CACNA2D4: variants seen among roughly 807,000 people sequenced by gnomAD.
CACNA2D4 encodes calcium voltage-gated channel auxiliary subunit alpha2delta 4.
CACNA2D4 carries 157 observed loss-of-function variants against 163.8 expected under a neutral mutation model. That is an observed-to-expected ratio of 0.96 (90% CI 0.84 to 1.09). The LOEUF is 1.09. Among genes scored for constraint, CACNA2D4 ranks in the 50% least tolerant of loss-of-function variants. CACNA2D4 has a pLI of 0.00. For synonymous variants in CACNA2D4, 598 were observed against 586.9 expected (o/e 1.02, Z -0.27); for missense variants, 1,410 against 1,479.9 (o/e 0.95, Z 0.78).
chr12:1,794,644 A>G (rs1863060123), intron 37 of CACNA2D4, among the ~76,000 whole-genome samples: 1 of 152,164 alleles, frequency 6.6e-6, no homozygotes, highest in African/African-American at 2.4e-5. Flanking sequence ...CCCGTTTATT[A>G]TAAAGGACGC....
intron 16 of CACNA2D4, among the ~76,000 whole-genome samples, chr12:1,876,975 GTTATTT>G (rs1172983844): frequency 3.3e-5 from 5 of 152,250 alleles, no homozygotes; most frequent in African/African-American, 1.2e-4. Flanking sequence ...GCATATCCTC[GTTATTT>G]TTTCTTTTTC....
rs1360457048 is a variant in CACNA2D4, at chr12:1,811,679, A to T, written c.2596T>A (p.Trp866Arg). 1 of 1,560,238 alleles carries T rather than the reference A, an allele frequency of 6.4e-7. No homozygotes were observed. The highest frequency in any genetic ancestry group is 2.4e-5 in the East Asian group (1 of 41,238). Residue 866 changes from tryptophan to arginine, a missense_variant, in exon 27 of 38, where the codon TGG (tryptophan) becomes AGG (arginine). Transcript: ENST00000382722. ...ACACCTACCTGCCGCGTTGCCGCCC[A>T]GAATTTGCGCTGGAGGAATTCCAGC... ...MKLEFLQRKF[W>R]AATRQCSTVD...
In CACNA2D4 at chr12:1,882,973, G is replaced by T. The variant is rs1173208667; in HGVS notation, c.1379C>A (p.Ala460Glu). The change falls in exon 13 of 38, where the codon GCG (alanine) becomes GAG (glutamate). Residue 460 changes from alanine to glutamate, a missense_variant. Ala to Glu is a moderately radical substitution (Grantham distance 107). Coordinates refer to ENST00000382722, the MANE Select transcript of CACNA2D4 (RefSeq NM_172364.5). ...KGYYTQISTL[A>E]DTQENVMEYL... Reference sequence around the variant, plus strand: ...TTCCATCACGTTCTCCTGGGTGTCCGCCAGCGTTGAGATCTGCGTGTAGTA... The same window carrying T: ...TTCCATCACGTTCTCCTGGGTGTCCTCCAGCGTTGAGATCTGCGTGTAGTA... 1 of 1,612,812 alleles carries T rather than the reference G, an allele frequency of 6.2e-7. No individual in the cohort carries two copies. Among genetic ancestry groups the T allele is most frequent in the Non-Finnish European group, 8.5e-7 (1 of 1,179,442 alleles).
chr12:1,860,764 G>C (rs550120330), intron 18 of CACNA2D4, among the ~76,000 whole-genome samples: 1 of 152,162 alleles, frequency 6.6e-6, no homozygotes, highest in Non-Finnish European at 1.5e-5. Context: ...CCCGGGCCAC[G>C]GGACCCTTTC....
chr12:1,908,084 C>A, intron 4 of CACNA2D4, 47 bp from the exon 5 acceptor site: 2 of 1,568,614 alleles, frequency 1.3e-6, no homozygotes, highest in Middle Eastern at 1.7e-4. Context: ...AGCACCGGGA[C>A]AGGCGGAGAG....
intron 26 of CACNA2D4, among the ~76,000 whole-genome samples, chr12:1,832,056 A>G (rs531336223): frequency 1.4e-4 from 21 of 152,324 alleles, no homozygotes; most frequent in African/African-American, 4.8e-4. Flanking sequence ...CCCAAGTTTT[A>G]TTATCCAAAC....
intron 31 of CACNA2D4, 57 bp from the exon 32 acceptor site, chr12:1,800,495 C>G (rs1015846957): frequency 1.3e-6 from 2 of 1,540,476 alleles, no homozygotes; most frequent in Admixed American, 1.7e-5. Flanking sequence ...AGGGTGCCCC[C>G]CCCCCACCAC....
rs777902717 is a variant in CACNA2D4, at chr12:1,915,307, C to T, written c.228-372G>A. ...TGCTGAATGTCCTCGGCAGGTTCTC[C>T]TGCTGAGGGTTGTGGGGCCGGGCTG... On this transcript the variant is annotated intron_variant, in intron 1 of 37. Transcript: ENST00000382722. 1.5e-4 allele frequency: 105 copies of T among 701,206 alleles called. 1 individual carries two copies. Among genetic ancestry groups the T allele is most frequent in the South Asian group, 5.9e-5 (4 of 67,518 alleles). 43.4% of individuals were successfully genotyped at this position (701,206 alleles called of 1,614,324 possible). A position where few individuals can be genotyped will look rare whatever the true frequency, so the allele number is the denominator to read the frequency against.
rs747102910 is a variant in CACNA2D4 at position 1,828,119 on chromosome 12, G to A, written c.2551+12620C>T. ...CCAGGGGCTCCTCTCTCCCCAGAGCGACAGGGCCCGGAGAGCCGTGGGCCT... is the reference window on the plus strand; with the variant it reads ...CCAGGGGCTCCTCTCTCCCCAGAGCAACAGGGCCCGGAGAGCCGTGGGCCT... On this transcript the variant is annotated intron_variant, in intron 26 of 37. Coordinates refer to ENST00000382722, the MANE Select transcript of CACNA2D4 (RefSeq NM_172364.5). This position sits in a 1 kb window ranked among gnomAD's most constrained non-coding sequence, Gnocchi z 4.2. The A allele has an allele frequency of 8.2e-5, 124 of 1,508,212 alleles. No homozygotes were observed. The Middle Eastern group carries it at 8.3e-4, about 10-fold the overall frequency. The allele number at this position is 1,508,212 out of a possible 1,614,324, so 93.4% of individuals were successfully genotyped here. A position where few individuals can be genotyped will look rare whatever the true frequency, so the allele number is the denominator to read the frequency against.
chr12:1,807,022 G>C (rs1034492318), intron 29 of CACNA2D4, among the ~76,000 whole-genome samples: 1 of 152,048 alleles, frequency 6.6e-6, no homozygotes, highest in Non-Finnish European at 1.5e-5. Context: ...CCTCCTGGGA[G>C]TCCTGCCCTT....
rs756410148 is a variant in CACNA2D4, at chr12:1,797,465, C to A, written c.3066G>T (p.Pro1022=). The A allele has an allele frequency of 1.3e-6, 2 of 1,584,812 alleles. No homozygotes were observed. Among genetic ancestry groups the A allele is most frequent in the South Asian group, 2.3e-5 (2 of 87,586 alleles). ...DTEYPVFVYQ[P]AIREANGIVE... is the part of the protein sequence containing the mutation. ...CGATCCCGTTGGCCTCCCGGATGGC[C>A]GGCTGGTACACGAACACGGGGTACT... is the stretch of plus-strand genomic sequence containing the variant. Residue 1022 remains proline, a synonymous_variant, in exon 35 of 38, where the codon CCG becomes CCT. Transcript: ENST00000382722.
intron 26 of CACNA2D4, chr12:1,830,924 C>T (rs766703296): frequency 9.5e-6 from 15 of 1,585,536 alleles, no homozygotes; most frequent in Non-Finnish European, 1.3e-5. Flanking sequence ...CCGTCTGTCC[C>T]TCCCACCAAG....
chr12:1,840,902 A>G (rs1247951517), intron 25 of CACNA2D4, 83 bp from the exon 26 acceptor site: 1 of 1,208,474 alleles, frequency 8.3e-7, no homozygotes, highest in Non-Finnish European at 1.2e-6. Flanking sequence ...GGAATAGGAG[A>G]TGGGAATAAA....
rs1013012581 is a variant in CACNA2D4, at chr12:1,802,020, T to C, written c.2722-376A>G. 9.4e-4 allele frequency among the ~76,000 whole-genome samples: 34 copies of C among 36,192 alleles called. No individual in the cohort carries two copies. The highest frequency in any genetic ancestry group is 4.8e-3 in the African/African-American group (29 of 5,990). 23.7% of individuals were successfully genotyped at this position (36,192 alleles called of 152,430 possible). On this transcript the variant is annotated intron_variant, in intron 29 of 37. Coordinates refer to ENST00000382722, the MANE Select transcript of CACNA2D4 (RefSeq NM_172364.5). The surrounding 1 kb of genome is among the most constrained non-coding windows in gnomAD (Gnocchi z 4.7). ...AACTGGATTTGTTTTATATGCTGTG[T>C]GTGTGTGTGTGTGTGTGTGTGTGTG...
At position 1,854,042 on chromosome 12, in the gene CACNA2D4, C is replaced by A; in HGVS notation, c.2155G>T (p.Asp719Tyr). Residue 719 changes from aspartate (D) to tyrosine (Y), a missense_variant and splice_region_variant, in exon 23 of 38, where the codon GAC becomes TAC. Transcript: ENST00000382722. ...AGCACCTCCCGGACCAGCTCCTCGT[C>A]ACCTGGGTGCAAAACATCAGGGAAC... ...LTRKDPDLEC[D>Y]EELVREVLFD... 6.2e-7 allele frequency: 1 copy of A among 1,606,974 alleles called. No individual in the cohort carries two copies. Among genetic ancestry groups the A allele is most frequent in the Non-Finnish European group, 8.5e-7 (1 of 1,176,096 alleles).
chr12:1,863,908 A>T (rs867567925), intron 18 of CACNA2D4, among the ~76,000 whole-genome samples: 255 of 152,044 alleles, frequency 1.7e-3, no homozygotes, highest in African/African-American at 4.8e-3. Context: ...AAAAAAAAAA[A>T]AATAATAACA....
At chr12:1,796,007 G>C (rs1863112722) in intron 35 of CACNA2D4, 12 of 571,778 alleles carry the variant, frequency 2.1e-5, no homozygotes, top group Non-Finnish European at 3.4e-5. Context: ...TAGCAGACTG[G>C]AGACAGTGAG....
chr12:1,839,191 G>T (rs1370997061), intron 26 of CACNA2D4, among the ~76,000 whole-genome samples: 1 of 152,242 alleles, frequency 6.6e-6, no homozygotes, highest in African/African-American at 2.4e-5. Flanking sequence ...CCTGCTGCGA[G>T]AGTCCTCACC....
rs999107186 is a variant in CACNA2D4 at position 1,813,508 on chromosome 12, G to A, written c.2552-1785C>T. On this transcript the variant is annotated intron_variant, in intron 26 of 37. Coordinates refer to ENST00000382722, the MANE Select transcript of CACNA2D4 (RefSeq NM_172364.5). ...GTGTGGCTAGCACGCCTGAGGACCC[G>A]AATTTAAAAAACAGTTAATTTTAAT... Among the ~76,000 whole-genome samples, 6 of 152,280 alleles carry A rather than the reference G, an allele frequency of 3.9e-5. No individual in the cohort carries two copies. In the East Asian group the frequency reaches 7.7e-4, roughly 20 times the overall value.
Sources: gnomAD v4.1 joint callset for allele counts (sites outside exome capture counted in the v4.1 genomes callset) on GRCh38, gnomAD v4.1.1 for gene constraint, Gnocchi (gnomAD v3.1) non-coding constraint, MANE v1.5 for transcripts, NCBI Gene and HGNC (gene_info 2026-07-23, HGNC 2026-07-21) for gene names.